The following ZNF385B variants were observed in gnomAD, a reference collection of about 807,000 sequenced individuals.
ZNF385B encodes the protein zinc finger protein 533.
ZNF385B carries 23 observed loss-of-function variants against 39.2 expected under a neutral mutation model. That is an observed-to-expected ratio of 0.59 (90% CI 0.42 to 0.83). The LOEUF (loss-of-function observed/expected upper bound fraction) is 0.83, where lower values mean the gene tolerates loss of function less well. ZNF385B is among the 40% of genes least tolerant of loss of function. The pLI, the probability that ZNF385B is intolerant of heterozygous loss-of-function variation, is 0.00. For synonymous variants in ZNF385B, 205 were observed against 222.6 expected, an observed-to-expected ratio of 0.92 and a Z score of 0.70; for missense variants, 552 against 598.9, an observed-to-expected ratio of 0.92 and a Z score of 0.82.
chr2:179,615,070 T>C (rs998694885), intron 3 of ZNF385B, among the ~76,000 whole-genome samples: 8 of 152,206 alleles, frequency 5.3e-5, no homozygotes, highest in African/African-American at 1.9e-4. Context: ...ATTTAAGATT[T>C]TTTAGCTGAC....
intron 1 of ZNF385B, among the ~76,000 whole-genome samples, chr2:179,782,868 G>A (rs1048882341): frequency 1.3e-5 from 2 of 152,156 alleles, no homozygotes; most frequent in Admixed American, 1.3e-4. Context: ...CCATGCTCAT[G>A]GATAGGAAGA....
chr2:179,576,926 T>G (rs1685893167), intron 3 of ZNF385B, among the ~76,000 whole-genome samples: 1 of 152,076 alleles, frequency 6.6e-6, no homozygotes, highest in African/African-American at 2.4e-5. Context: ...TTGATCAAGG[T>G]GTTAATTAAG....
At chr2:179,757,745 G>A (rs1333520791) in intron 3 of ZNF385B, among the ~76,000 whole-genome samples, 7 of 152,154 alleles carry the variant, frequency 4.6e-5, no homozygotes, top group East Asian at 3.9e-4. Context: ...CTCCGTGGGC[G>A]TGGGACCCTC....
At chr2:179,641,884 A>G (rs1208388489) in intron 3 of ZNF385B, among the ~76,000 whole-genome samples, 1 of 152,126 alleles carries the variant, frequency 6.6e-6, no homozygotes, top group Non-Finnish European at 1.5e-5. Flanking sequence ...GAAGGTGGGA[A>G]GAAGGTACAT....
intron 3 of ZNF385B, among the ~76,000 whole-genome samples, chr2:179,621,713 C>G (rs1011440364): frequency 6.6e-6 from 1 of 152,204 alleles, no homozygotes; most frequent in South Asian, 2.1e-4. Flanking sequence ...ATCTGGAATT[C>G]TGCTCCTCAG....
chr2:179,487,902 C>CA (rs2054766806), intron 5 of ZNF385B, among the ~76,000 whole-genome samples: 1 of 152,198 alleles, frequency 6.6e-6, no homozygotes, highest in African/African-American at 2.4e-5. Context: ...AATTACCTGA[C>CA]ACCCACTGAA....
At chr2:179,718,023 G>A (rs1024352423) in intron 3 of ZNF385B, among the ~76,000 whole-genome samples, 1 of 152,022 alleles carries the variant, frequency 6.6e-6, no homozygotes, top group Non-Finnish European at 1.5e-5. Context: ...TGGCAAACAG[G>A]TTTCTCATTA....
intron 5 of ZNF385B, among the ~76,000 whole-genome samples, chr2:179,488,763 G>T (rs1428414977): frequency 6.6e-6 from 1 of 152,050 alleles, no homozygotes; most frequent in Non-Finnish European, 1.5e-5. Flanking sequence ...AATAGCAAAG[G>T]TCAGCTAATT....
chr2:179,581,097 G>A (rs1338658933), intron 3 of ZNF385B, among the ~76,000 whole-genome samples: 1 of 152,136 alleles, frequency 6.6e-6, no homozygotes, highest in Non-Finnish European at 1.5e-5. Flanking sequence ...ATCCTTAAAG[G>A]TGCAGTCCCA....
chr2:179,542,540 TAATC>T (rs1174383467), intron 4 of ZNF385B, among the ~76,000 whole-genome samples: 1 of 152,214 alleles, frequency 6.6e-6, no homozygotes, highest in African/African-American at 2.4e-5. Flanking sequence ...TGTGTACAAT[TAATC>T]AAACAAACCA....
intron 3 of ZNF385B, among the ~76,000 whole-genome samples, chr2:179,617,250 G>A (rs1307789285): frequency 1.3e-5 from 2 of 152,104 alleles, no homozygotes; most frequent in African/African-American, 4.8e-5. Context: ...ATTCTTTCTG[G>A]GTTTGTAAAT....
At chr2:179,581,093 A>C (rs544911522) in intron 3 of ZNF385B, among the ~76,000 whole-genome samples, 1 of 152,244 alleles carries the variant, frequency 6.6e-6, no homozygotes, top group Non-Finnish European at 1.5e-5. Context: ...ATAGATCCTT[A>C]AAGGTGCAGT....
At chr2:179,850,473 T>C (rs997145732) in intron 1 of ZNF385B, among the ~76,000 whole-genome samples, 2 of 152,206 alleles carry the variant, frequency 1.3e-5, no homozygotes, top group Admixed American at 6.5e-5. Context: ...TCCCACCCAC[T>C]GAATCTGGTT....
At chr2:179,477,410 A>G (rs975890334) in intron 6 of ZNF385B, among the ~76,000 whole-genome samples, 4 of 152,200 alleles carry the variant, frequency 2.6e-5, no homozygotes, top group Non-Finnish European at 5.9e-5. Flanking sequence ...ACTGAAAACT[A>G]AAATGAGCTG....
chr2:179,783,230 G>T (rs1704777673), intron 1 of ZNF385B, among the ~76,000 whole-genome samples: 1 of 152,148 alleles, frequency 6.6e-6, no homozygotes, highest in African/African-American at 2.4e-5. Flanking sequence ...AAGCAATGGG[G>T]AGTAGAGTCC....
At chr2:179,611,858 G>A (rs570505287) in intron 3 of ZNF385B, among the ~76,000 whole-genome samples, 1 of 152,024 alleles carries the variant, frequency 6.6e-6, no homozygotes, top group Non-Finnish European at 1.5e-5. Context: ...AGTTTTTGTG[G>A]TATCGATTGT....
At chr2:179,634,855 C>T (rs1048317435) in intron 3 of ZNF385B, among the ~76,000 whole-genome samples, 8 of 151,770 alleles carry the variant, frequency 5.3e-5, no homozygotes, top group African/African-American at 1.2e-4. Flanking sequence ...CATGGCCGGT[C>T]GCCATGGCTC....
At chr2:179,769,383 A>G in intron 3 of ZNF385B, 120 bp downstream of exon 3, 1 of 1,435,862 alleles carries the variant, frequency 7.0e-7, no homozygotes, top group Non-Finnish European at 9.3e-7. Flanking sequence ...GAGAAAGAGT[A>G]CATGTTATCA....
intron 1 of ZNF385B, among the ~76,000 whole-genome samples, chr2:179,790,799 G>A (rs545762871): frequency 9.2e-5 from 14 of 152,336 alleles, no homozygotes; most frequent in Admixed American, 3.9e-4. Context: ...TCTGTAAAAG[G>A]AGGAGAATGA....
Sources: allele counts gnomAD v4.1 joint callset (sites outside exome capture counted in the v4.1 genomes callset), GRCh38; gene constraint gnomAD v4.1.1; transcripts MANE v1.5; gene names NCBI Gene and HGNC (gene_info 2026-07-23, HGNC 2026-07-21).